Variants in FAM163A observed in about 807,000 individuals in gnomAD.
FAM163A encodes family with sequence similarity 163 member A.
A neutral mutation model predicts 12.0 loss-of-function variants in FAM163A; 7 were observed. The observed-to-expected ratio is 0.58, with a 90% CI of 0.33 to 1.10. The LOEUF (loss-of-function observed/expected upper bound fraction) is 1.10, where lower values mean the gene tolerates loss of function less well. FAM163A is among the 50% of genes least tolerant of loss of function. The pLI is 0.03. For synonymous variants in FAM163A, 101 were observed against 91.0 expected (o/e 1.11, Z -0.62); for missense variants, 202 against 218.6 (o/e 0.92, Z 0.48).
chr1:179,742,860 G>A (rs1346430840), upstream of FAM163A, among the ~76,000 whole-genome samples: 4 of 152,114 alleles, frequency 2.6e-5, no homozygotes, highest in Non-Finnish European at 5.9e-5. Flanking sequence ...GGACATCCAG[G>A]TGTCCCTGGA....
intron 1 of FAM163A, among the ~76,000 whole-genome samples, chr1:179,759,667 G>A (rs955706980): frequency 9.2e-5 from 14 of 151,554 alleles, no homozygotes; most frequent in Non-Finnish European, 1.8e-4. Context: ...GCAGGAACTA[G>A]ATCCCCTTTT....
chr1:179,813,241 C>G (rs1387558874), intron 4 of FAM163A, 51 bp downstream of exon 4: 19 of 1,512,740 alleles, frequency 1.3e-5, no homozygotes, highest in Non-Finnish European at 9.0e-7. Context: ...CAGCAAACCT[C>G]TTTTTCATTA....
the FAM163A span, among the ~76,000 whole-genome samples, chr1:179,729,438 T>C: frequency 6.6e-6 from 1 of 152,190 alleles, no homozygotes; most frequent in Admixed American, 6.5e-5. Flanking sequence ...AACAGTTCAA[T>C]AACAGAGCAA....
chr1:179,754,879 G>A (rs1685782998), intron 1 of FAM163A, among the ~76,000 whole-genome samples: 1 of 152,194 alleles, frequency 6.6e-6, no homozygotes, highest in African/African-American at 2.4e-5. Context: ...GCTCATGCCT[G>A]TAATCCCAGT....
At chr1:179,776,066 T>A (rs1688922928) in intron 1 of FAM163A, among the ~76,000 whole-genome samples, 1 of 152,140 alleles carries the variant, frequency 6.6e-6, no homozygotes, top group Admixed American at 6.5e-5. Context: ...AGGTGCATCA[T>A]AGATTCAAAA....
chr1:179,762,619 T>G (rs1686964671), intron 1 of FAM163A, among the ~76,000 whole-genome samples: 2 of 152,244 alleles, frequency 1.3e-5, no homozygotes, highest in African/African-American at 4.8e-5. Flanking sequence ...AGTGAAGAGC[T>G]GGTTTTCACC....
intron 2 of FAM163A, among the ~76,000 whole-genome samples, chr1:179,808,743 G>A (rs1193299453): frequency 6.6e-6 from 1 of 152,216 alleles, no homozygotes; most frequent in Non-Finnish European, 1.5e-5. Flanking sequence ...GGGCATGACT[G>A]CCAGGAGGCA....
In FAM163A at chr1:179,808,913, T is replaced by C. The variant is rs555999400; in HGVS notation, c.-45+1025T>C. Among the ~76,000 whole-genome samples the C allele has an allele frequency of 3.3e-5, 5 of 152,284 alleles. No individual in the cohort carries two copies. The East Asian group carries it at 9.6e-4, about 29-fold the overall frequency. On this transcript the variant is annotated intron_variant, in intron 2 of 4. Coordinates refer to ENST00000341785, the MANE Select transcript of FAM163A (RefSeq NM_173509.3). ...CCCTCCTGAAATCATAGAGAGCCACTGAATGTGGGAATTTAAATGCTAAAC... is the reference window on the plus strand; with the variant it reads ...CCCTCCTGAAATCATAGAGAGCCACCGAATGTGGGAATTTAAATGCTAAAC...
chr1:179,772,219 T>C (rs1688379357), intron 1 of FAM163A, among the ~76,000 whole-genome samples: 1 of 152,180 alleles, frequency 6.6e-6, no homozygotes, highest in African/African-American at 2.4e-5. Context: ...CTCTGCCACC[T>C]TCCTTTCCTC....
chr1:179,790,209 G>A (rs1691235126), intron 1 of FAM163A, among the ~76,000 whole-genome samples: 2 of 145,972 alleles, frequency 1.4e-5, no homozygotes, highest in Admixed American at 1.3e-4. Context: ...ATTAATAACA[G>A]CTGACTTCCT....
intron 1 of FAM163A, among the ~76,000 whole-genome samples, chr1:179,792,132 T>C (rs1176742548): frequency 6.6e-6 from 1 of 152,122 alleles, no homozygotes; most frequent in East Asian, 1.9e-4. Flanking sequence ...ATCTGTAAAA[T>C]GGAAATAATA....
At chr1:179,766,268 G>A (rs1217147500) in intron 1 of FAM163A, among the ~76,000 whole-genome samples, 2 of 152,204 alleles carry the variant, frequency 1.3e-5, no homozygotes, top group African/African-American at 2.4e-5. Context: ...CTTGCCCTCC[G>A]CTTTCCCATA....
chr1:179,738,672 C>A (rs924407406), upstream of FAM163A, among the ~76,000 whole-genome samples: 1 of 152,078 alleles, frequency 6.6e-6, no homozygotes, highest in African/African-American at 2.4e-5. Flanking sequence ...CCATTTATGA[C>A]AAAATTCTCA....
chr1:179,786,619 G>C (rs894931300), intron 1 of FAM163A, among the ~76,000 whole-genome samples: 4 of 152,152 alleles, frequency 2.6e-5, no homozygotes, highest in African/African-American at 9.7e-5. Flanking sequence ...TGTGCCCATT[G>C]AATCCTCAAG....
At chr1:179,767,440 T>C (rs1687659268) in intron 1 of FAM163A, among the ~76,000 whole-genome samples, 1 of 152,062 alleles carries the variant, frequency 6.6e-6, no homozygotes. Flanking sequence ...ACTTTTAATC[T>C]CCCACACGGC....
chr1:179,776,941 T>C (rs542019673), intron 1 of FAM163A, among the ~76,000 whole-genome samples: 16 of 152,324 alleles, frequency 1.1e-4, no homozygotes, highest in African/African-American at 3.6e-4. Flanking sequence ...ATTGGACTAT[T>C]CTGGAAATTT....
intron 1 of FAM163A, among the ~76,000 whole-genome samples, chr1:179,792,635 C>T (rs1490616154): frequency 1.3e-5 from 2 of 152,130 alleles, no homozygotes; most frequent in African/African-American, 4.8e-5. Context: ...AGTTGTGTTA[C>T]CTTAGACAAA....
At chr1:179,753,491 G>A (rs1019565655) in intron 1 of FAM163A, among the ~76,000 whole-genome samples, 9 of 152,330 alleles carry the variant, frequency 5.9e-5, no homozygotes, top group Admixed American at 6.5e-5. Flanking sequence ...CAGTTTAATG[G>A]AAATGTTATT....
chr1:179,751,663 G>T (rs1685289432), intron 1 of FAM163A, among the ~76,000 whole-genome samples: 1 of 152,054 alleles, frequency 6.6e-6, no homozygotes, highest in Non-Finnish European at 1.5e-5. Flanking sequence ...ACCTGTAAAA[G>T]CCAGTGTATT....
Sources: allele counts gnomAD v4.1 joint callset (sites outside exome capture counted in the v4.1 genomes callset), GRCh38; gene constraint gnomAD v4.1.1; transcripts MANE v1.5; gene names NCBI Gene and HGNC (gene_info 2026-07-23, HGNC 2026-07-21).